Variants in PDE11A observed in about 807,000 individuals in gnomAD.
The protein encoded by PDE11A is phosphodiesterase 11A.
PDE11A carries 100 observed loss-of-function variants against 100.5 expected under a neutral mutation model. The observed-to-expected ratio is 1.00, with a 90% CI of 0.85 to 1.18. The LOEUF is 1.18. Ranked by LOEUF, PDE11A falls within the 50% of genes most tolerant of loss-of-function variation. The pLI, the probability that PDE11A is intolerant of heterozygous loss-of-function variation, is 0.00. For synonymous variants in PDE11A, 381 were observed against 420.8 expected (o/e 0.91, Z 1.16); for missense variants, 1,141 against 1,152.6 (o/e 0.99, Z 0.15).
intron 1 of PDE11A, among the ~76,000 whole-genome samples, chr2:178,040,588 A>G (rs1223848643): frequency 1.3e-5 from 2 of 152,210 alleles, no homozygotes; most frequent in Non-Finnish European, 2.9e-5. Flanking sequence ...ATTTAGCAAC[A>G]TGAGCAGTTA....
At chr2:177,915,551 C>T (rs181764266) in intron 2 of PDE11A, among the ~76,000 whole-genome samples, 144 of 152,304 alleles carry the variant, frequency 9.5e-4, no homozygotes, top group Non-Finnish European at 1.5e-3. Flanking sequence ...CACTGATTAA[C>T]ATTCCATTAA....
At chr2:177,918,875 G>A (rs555285828) in intron 2 of PDE11A, among the ~76,000 whole-genome samples, 2 of 152,146 alleles carry the variant, frequency 1.3e-5, no homozygotes, top group African/African-American at 4.8e-5. Context: ...TAGTCCAAAT[G>A]GCTTCATAGG....
In PDE11A at chr2:178,072,494, G is replaced by A; in HGVS notation, c.-57C>T. 6.2e-7 allele frequency: 1 copy of A among 1,604,468 alleles called. No homozygotes were observed. Among genetic ancestry groups the A allele is most frequent in the Non-Finnish European group, 8.5e-7 (1 of 1,178,472 alleles). On this transcript the variant is annotated 5_prime_UTR_variant, in exon 1 of 20. Transcript: ENST00000286063. ...CGTGAACCAAATGTTTTCCTGCCCC[G>A]AGGCCTCTAGCTGTTCCTGCACATG... is the stretch of plus-strand genomic sequence containing the variant.
At chr2:177,821,926 T>A (rs1204008192) in intron 6 of PDE11A, among the ~76,000 whole-genome samples, 1 of 151,890 alleles carries the variant, frequency 6.6e-6, no homozygotes, top group East Asian at 1.9e-4. Flanking sequence ...TGGTCTTTTG[T>A]CCTGTTGGGT....
At chr2:177,904,420 G>C (rs898158864) in intron 3 of PDE11A, among the ~76,000 whole-genome samples, 2 of 152,104 alleles carry the variant, frequency 1.3e-5, no homozygotes, top group African/African-American at 4.8e-5. Context: ...GTGGGGGTAA[G>C]ATCATGTTTG....
chr2:177,862,058 T>C (rs1558979068), intron 5 of PDE11A, among the ~76,000 whole-genome samples: 1 of 151,872 alleles, frequency 6.6e-6, no homozygotes, highest in Non-Finnish European at 1.5e-5. Flanking sequence ...AAAAAAATTA[T>C]AAATTGAATA....
Position 177,751,374 on chromosome 2 carries a change from T to C in PDE11A, c.1788+17949A>G, listed in dbSNP as rs16865748. Among the ~76,000 whole-genome samples the C allele has an allele frequency of 9.8e-4, 150 of 152,316 alleles. 3 individuals carry two copies. The East Asian group carries it at 0.026, about 26-fold the overall frequency. On this transcript the variant is annotated intron_variant, in intron 10 of 19. Coordinates refer to ENST00000286063, the MANE Select transcript of PDE11A (RefSeq NM_016953.4). The stretch of plus-strand genomic sequence containing the variant: ...TACACCTGCCACTATACCAACTTTA[T>C]GTAAATGACTAATAGCGCTTCCTCA...
rs1392024219 is a variant in PDE11A, at chr2:177,623,412, A to G, written c.*5995T>C. 1 of 152,256 alleles carries G rather than the reference A, an allele frequency of 6.6e-6. No homozygotes were observed. The highest frequency in any genetic ancestry group is 1.5e-5 in the Non-Finnish European group (1 of 68,044). The allele number at this position is 152,256 out of a possible 1,614,324, so 9.4% of individuals were successfully genotyped here. On this transcript the variant is annotated 3_prime_UTR_variant, in exon 20 of 20. Coordinates refer to ENST00000286063, the MANE Select transcript of PDE11A (RefSeq NM_016953.4). ...AATCTACACAAAGTGAATGATTTCA[A>G]ACAACTCAATTGAAAACGTATTTCC...
intron 10 of PDE11A, among the ~76,000 whole-genome samples, chr2:177,741,391 T>A (rs1486797166): frequency 1.3e-5 from 2 of 152,198 alleles, no homozygotes; most frequent in Non-Finnish European, 2.9e-5. Context: ...TTAAAACCCC[T>A]ATCTCCAAAT....
At chr2:177,668,560 T>C (rs148799963) in intron 18 of PDE11A, among the ~76,000 whole-genome samples, 1 of 152,306 alleles carries the variant, frequency 6.6e-6, no homozygotes, top group Admixed American at 6.5e-5. Flanking sequence ...TTAAGAATAT[T>C]CAAAATTAGC....
chr2:177,716,374 T>G (rs1191210898), intron 12 of PDE11A, among the ~76,000 whole-genome samples: 1 of 152,128 alleles, frequency 6.6e-6, no homozygotes, highest in Admixed American at 6.5e-5. Flanking sequence ...CATTATTTCT[T>G]ATGGGTACCC....
intron 9 of PDE11A, among the ~76,000 whole-genome samples, chr2:177,796,771 C>T (rs1408768582): frequency 6.6e-6 from 1 of 152,146 alleles, no homozygotes; most frequent in Non-Finnish European, 1.5e-5. Context: ...CAAGAGAAGC[C>T]AGCAGGCAAA....
chr2:177,811,163 C>T (rs76622503), intron 9 of PDE11A, among the ~76,000 whole-genome samples: 8,954 of 152,072 alleles, frequency 0.059, 420 homozygotes, highest in East Asian at 0.2. Flanking sequence ...TTTTATTTTT[C>T]TCTGTATTGT....
At chr2:177,909,935 G>T (rs1346577396) in intron 2 of PDE11A, among the ~76,000 whole-genome samples, 2 of 152,166 alleles carry the variant, frequency 1.3e-5, no homozygotes, top group Admixed American at 1.3e-4. Context: ...TAAAAAGCCA[G>T]CTGCCAATCA....
chr2:177,881,318 CTCTA>C (rs987861619), intron 4 of PDE11A, among the ~76,000 whole-genome samples: 12 of 149,024 alleles, frequency 8.1e-5, no homozygotes, highest in African/African-American at 2.0e-4. Context: ...ATATCTTTAT[CTCTA>C]TCTATCTATC....
rs188722472 is a variant in PDE11A, at chr2:177,992,544, T to C, written c.1071+21758A>G. On this transcript the variant is annotated intron_variant, in intron 2 of 19. Coordinates refer to ENST00000286063, the MANE Select transcript of PDE11A (RefSeq NM_016953.4). ...TAATCCATTTCCACTAATGTTTCTATGTCTAATGGTTAACAGTACATTCTG... is the reference window on the plus strand; with the variant it reads ...TAATCCATTTCCACTAATGTTTCTACGTCTAATGGTTAACAGTACATTCTG... Among the ~76,000 whole-genome samples the C allele has an allele frequency of 5.3e-5, 8 of 152,348 alleles. No individual in the cohort carries two copies. In the East Asian group the frequency reaches 7.7e-4, roughly 15 times the overall value.
intron 5 of PDE11A, among the ~76,000 whole-genome samples, chr2:177,873,463 T>A (rs1417931935): frequency 6.6e-6 from 1 of 152,214 alleles, no homozygotes; most frequent in Admixed American, 6.5e-5. Flanking sequence ...GATGTGAATA[T>A]AAATACATTT....
chr2:177,973,053 A>G (rs1210669425), intron 2 of PDE11A, among the ~76,000 whole-genome samples: 1 of 152,218 alleles, frequency 6.6e-6, no homozygotes, highest in Non-Finnish European at 1.5e-5. Context: ...GTGACTCAGA[A>G]TACTCAAGAA....
intron 10 of PDE11A, among the ~76,000 whole-genome samples, chr2:177,735,833 C>T (rs1438038): frequency 0.68 from 102,882 of 152,090 alleles, 37,570 homozygotes; most frequent in East Asian, 0.86. Context: ...GTTCGCTGTC[C>T]ATGCCAGGTT....
Sources: gnomAD v4.1 joint callset for allele counts (sites outside exome capture counted in the v4.1 genomes callset) on GRCh38, gnomAD v4.1.1 for gene constraint, MANE v1.5 for transcripts, NCBI Gene and HGNC (gene_info 2026-07-23, HGNC 2026-07-21) for gene names.